Variants in TNS1 observed in about 807,000 individuals in gnomAD.
TNS1 encodes tensin-1.
In TNS1, 62 loss-of-function variants were observed where a neutral mutation model predicts 168.6. The observed-to-expected ratio is 0.37, with a 90% CI of 0.30 to 0.45. The LOEUF (loss-of-function observed/expected upper bound fraction) is 0.45. TNS1 is among the 20% of genes least tolerant of loss of function. The probability of loss-of-function intolerance (pLI) is 1.00; values close to 1 mark genes in which losing one functional copy is unlikely to be tolerated. For synonymous variants in TNS1, 934 were observed against 933.2 expected (o/e 1.00, Z -0.02); for missense variants, 2,240 against 2,339.4 (o/e 0.96, Z 0.88).
In TNS1 at chr2:217,885,210, A is replaced by G. The variant is rs149381217; in HGVS notation, c.1117-46T>C. 76 of 1,612,608 alleles carry G rather than the reference A, an allele frequency of 4.7e-5. No individual in the cohort carries two copies. In the African/African-American group the frequency reaches 9.3e-4, roughly 20 times the overall value. On this transcript the variant is annotated intron_variant, in intron 15 of 32. Coordinates refer to ENST00000682258, the MANE Select transcript of TNS1 (RefSeq NM_001387777.1). ...AACCAGTCAGGGGCCTGAGGCTGGG[A>G]GGTCAGGTCCCAGGGAGCCTCCTTA...
intron 1 of TNS1, among the ~76,000 whole-genome samples, chr2:218,024,119 T>A (rs1958832713): frequency 6.6e-6 from 1 of 152,050 alleles, no homozygotes. Context: ...AAGCTGAAGA[T>A]CGGAGTCACT....
intron 1 of TNS1, among the ~76,000 whole-genome samples, chr2:218,021,719 G>C (rs1958807790): frequency 6.6e-6 from 1 of 152,230 alleles, no homozygotes; most frequent in African/African-American, 2.4e-5. Context: ...CAGCAGGGTA[G>C]GGGGAAGGCC....
intron 3 of TNS1, among the ~76,000 whole-genome samples, chr2:217,967,575 A>G (rs1000048965): frequency 3.3e-5 from 5 of 152,154 alleles, no homozygotes; most frequent in African/African-American, 1.2e-4. Context: ...AAAATAGACA[A>G]ATTCCTAGAA....
chr2:217,856,214 C>T (rs1314331172), intron 18 of TNS1, among the ~76,000 whole-genome samples: 3 of 152,144 alleles, frequency 2.0e-5, no homozygotes, highest in Admixed American at 2.0e-4. Context: ...TTTGCGGCTG[C>T]GGGAGCCTAA....
intron 19 of TNS1, among the ~76,000 whole-genome samples, chr2:217,843,393 T>C (rs1382110978): frequency 6.6e-6 from 1 of 151,910 alleles, no homozygotes; most frequent in African/African-American, 2.4e-5. Flanking sequence ...CTCTTCTACA[T>C]ACAAACATTC....
chr2:217,873,670 A>T (rs964221292), intron 18 of TNS1, among the ~76,000 whole-genome samples: 1 of 152,128 alleles, frequency 6.6e-6, no homozygotes, highest in Non-Finnish European at 1.5e-5. Flanking sequence ...TGGGCTGAGG[A>T]AGGGGGTCCT....
At chr2:217,850,006 C>T (rs1947246974) in intron 18 of TNS1, 5 of 985,436 alleles carry the variant, frequency 5.1e-6, no homozygotes, top group Non-Finnish European at 6.0e-6. Context: ...CTGCCCACTG[C>T]CACATTTCCA....
chr2:217,894,683 A>C (rs1171806129), intron 9 of TNS1, among the ~76,000 whole-genome samples: 1 of 151,980 alleles, frequency 6.6e-6, no homozygotes, highest in East Asian at 1.9e-4. Flanking sequence ...AAACAAAAAA[A>C]CCGGCAGCTG....
In TNS1 at chr2:217,813,866, G is replaced by A. The variant is rs371280319; in HGVS notation, c.4730-50C>T. On this transcript the variant is annotated intron_variant, in intron 25 of 32. Coordinates refer to ENST00000682258, the MANE Select transcript of TNS1 (RefSeq NM_001387777.1). This position sits in a 1 kb window ranked among gnomAD's most constrained non-coding sequence, Gnocchi z 4.0. ...GAGGAGGAAGCAAGACCTCGGTGGC[G>A]CTAGTTTTACTTAAGTCTCATTGAG... 2.5e-5 allele frequency: 38 copies of A among 1,523,734 alleles called. No homozygotes were observed. The highest frequency in any genetic ancestry group is 3.0e-5 in the Non-Finnish European group (34 of 1,135,582). 94.4% of individuals were successfully genotyped at this position (1,523,734 alleles called of 1,614,324 possible). A position where few individuals can be genotyped will look rare whatever the true frequency, so the allele number is the denominator to read the frequency against.
chr2:217,818,168 G>A lies in TNS1; in HGVS notation c.4164C>T (p.Ala1388=), dbSNP rs1942215150. ...CTATTGCATTGCTATGAAGACCGGA[G>A]GCCAGGTTGCCTTGGTGAGCCCCAG... ...RHPGAHQGNL[A]SGLHSNAIAS... is the part of the protein sequence containing the mutation. Residue 1388 remains alanine (A), a synonymous_variant, in exon 24 of 33, where the codon GCC becomes GCT. Coordinates refer to ENST00000682258, the MANE Select transcript of TNS1 (RefSeq NM_001387777.1). 4 of 1,613,856 alleles carry A rather than the reference G, an allele frequency of 2.5e-6. No individual in the cohort carries two copies. The highest frequency in any genetic ancestry group is 1.3e-5 in the African/African-American group (1 of 74,942).
intron 2 of TNS1, among the ~76,000 whole-genome samples, chr2:217,989,293 T>A (rs895331382): frequency 6.6e-5 from 10 of 152,082 alleles, no homozygotes; most frequent in African/African-American, 2.2e-4. Flanking sequence ...TGGGCTTATG[T>A]TTTTAAGTCC....
chr2:217,864,793 CA>C (rs1949108807), intron 18 of TNS1, among the ~76,000 whole-genome samples: 1 of 152,222 alleles, frequency 6.6e-6, no homozygotes, highest in Non-Finnish European at 1.5e-5. Flanking sequence ...TGAGGTCAAT[CA>C]CTATTCCTGA....
intron 4 of TNS1, among the ~76,000 whole-genome samples, chr2:217,912,874 C>G (rs1254897922): frequency 6.6e-6 from 1 of 152,216 alleles, no homozygotes; most frequent in Non-Finnish European, 1.5e-5. Context: ...TGCCCCGTGC[C>G]TCCCAAGGCA....
intron 3 of TNS1, among the ~76,000 whole-genome samples, chr2:217,965,310 T>C (rs1957597988): frequency 6.6e-6 from 1 of 152,138 alleles, no homozygotes; most frequent in Non-Finnish European, 1.5e-5. Context: ...CCTTGCAAGG[T>C]CAGCATGATA....
chr2:218,009,319 A>T (rs999417873), intron 1 of TNS1, among the ~76,000 whole-genome samples: 5 of 151,980 alleles, frequency 3.3e-5, no homozygotes, highest in African/African-American at 1.2e-4. Flanking sequence ...AGTTTTTCCA[A>T]TTCCCTACTT....
rs1553564753 is a variant in TNS1 at position 217,850,621 on chromosome 2, A to ACG, written c.1430-1535_1430-1534insCG. 2.8e-3 allele frequency: 2,544 copies of ACG among 896,468 alleles called. 2 individuals are homozygous for ACG. The highest frequency in any genetic ancestry group is 4.4e-3 in the African/African-American group (219 of 49,234). The allele number at this position is 896,468 out of a possible 1,614,324, so 55.5% of individuals were successfully genotyped here. On this transcript the variant is annotated intron_variant, in intron 18 of 32. Transcript: ENST00000682258. ...CACACACACACACACACACACACAC[A>ACG]CACGCACGCACGCACCTCCCCTTAC...
chr2:217,805,634 C>CACACCA (rs1207282671), intron 32 of TNS1, among the ~76,000 whole-genome samples: 2 of 49,706 alleles, frequency 4.0e-5, no homozygotes, highest in Non-Finnish European at 4.1e-5. Flanking sequence ...CACCATCACA[C>CACACCA]CCACACACAT....
chr2:217,955,861 A>G (rs1057307148), intron 3 of TNS1, among the ~76,000 whole-genome samples: 3 of 152,154 alleles, frequency 2.0e-5, no homozygotes, highest in Non-Finnish European at 4.4e-5. Context: ...TGTCCCTCTC[A>G]GGGAAAAAAC....
At position 217,813,410 on chromosome 2, in the gene TNS1, G is replaced by T; in HGVS notation, c.4862-103C>A. The T allele has an allele frequency of 9.4e-7, 1 of 1,069,434 alleles. No individual in the cohort carries two copies. Among genetic ancestry groups the T allele is most frequent in the Non-Finnish European group, 1.4e-6 (1 of 715,954 alleles). The allele number at this position is 1,069,434 out of a possible 1,614,324, so 66.2% of individuals were successfully genotyped here. On this transcript the variant is annotated intron_variant, in intron 26 of 32. Transcript: ENST00000682258. This position sits in a 1 kb window ranked among gnomAD's most constrained non-coding sequence, Gnocchi z 4.0. ...CTTCCGCAGTGTGCGGGGCCAAGAT[G>T]GGAGAAATGACTGAAGAGAGAACGT...
Sources: allele counts gnomAD v4.1 joint callset (sites outside exome capture counted in the v4.1 genomes callset), GRCh38; gene constraint gnomAD v4.1.1; non-coding constraint Gnocchi (gnomAD v3.1); transcripts MANE v1.5; gene names NCBI Gene and HGNC (gene_info 2026-07-23, HGNC 2026-07-21).